The following MYO1D variants were observed in gnomAD, a reference collection of about 807,000 sequenced individuals.
MYO1D encodes the protein myosin ID.
A neutral mutation model predicts 122.0 loss-of-function variants in MYO1D; 83 were observed. The observed-to-expected ratio is 0.68, with a 90% CI of 0.57 to 0.82. The LOEUF is 0.82. Among genes scored for constraint, MYO1D ranks in the 40% least tolerant of loss-of-function variants. The pLI is 0.00. For missense variants in MYO1D, 1,157 were observed against 1,269.5 expected, an observed-to-expected ratio of 0.91 and a Z score of 1.35; for synonymous variants, 464 against 446.9, an observed-to-expected ratio of 1.04 and a Z score of -0.48.
chr17:32,759,027 A>G (rs1312372083), intron 10 of MYO1D, among the ~76,000 whole-genome samples: 2 of 152,178 alleles, frequency 1.3e-5, no homozygotes, highest in African/African-American at 4.8e-5. Flanking sequence ...TTGAATAACA[A>G]GTTTTATGAT....
In MYO1D at chr17:32,767,671, T is replaced by C; in HGVS notation, c.796A>G (p.Thr266Ala). ...VIGFKPEEIQTVYKILAAILH... is the reference protein window; with the variant it reads ...VIGFKPEEIQAVYKILAAILH... ...ATAGCAGCCAAAATCTTATACACTGTTTGGATCTCCTCAGGTTTGAAGCCA... is the reference window on the plus strand; with the variant it reads ...ATAGCAGCCAAAATCTTATACACTGCTTGGATCTCCTCAGGTTTGAAGCCA... The change falls in exon 7 of 22, where the codon ACA (threonine) becomes GCA (alanine). Residue 266 changes from threonine (T) to alanine (A), a missense_variant. Coordinates refer to ENST00000318217, the MANE Select transcript of MYO1D (RefSeq NM_015194.3). 6.2e-7 allele frequency: 1 copy of C among 1,613,626 alleles called. No homozygotes were observed. The highest frequency in any genetic ancestry group is 8.5e-7 in the Non-Finnish European group (1 of 1,179,676).
intron 11 of MYO1D, among the ~76,000 whole-genome samples, chr17:32,750,226 T>C (rs900641458): frequency 1.4e-4 from 21 of 152,198 alleles, no homozygotes; most frequent in African/African-American, 5.1e-4. Context: ...ATCTTCCTTG[T>C]TACAGTAGCA....
chr17:32,540,907 CAG>C (rs1470939065), intron 21 of MYO1D, among the ~76,000 whole-genome samples: 2 of 124,854 alleles, frequency 1.6e-5, no homozygotes, highest in Non-Finnish European at 3.1e-5. Context: ...GCCTGGGTGA[CAG>C]AGTGACTTCG....
At chr17:32,794,025 A>C in intron 1 of MYO1D, among the ~76,000 whole-genome samples, 1 of 152,250 alleles carries the variant, frequency 6.6e-6, no homozygotes, top group East Asian at 1.9e-4. Flanking sequence ...CCCATTGTTC[A>C]GCATGCGGCA....
chr17:32,623,377 T>A (rs757060858), intron 20 of MYO1D, among the ~76,000 whole-genome samples: 16 of 150,566 alleles, frequency 1.1e-4, no homozygotes, highest in Admixed American at 3.3e-4. Context: ...AACTCATTTA[T>A]TTAATGGCTA....
intron 21 of MYO1D, among the ~76,000 whole-genome samples, chr17:32,511,045 G>A (rs895600292): frequency 7.2e-5 from 11 of 152,032 alleles, no homozygotes; most frequent in African/African-American, 2.7e-4. Flanking sequence ...GTGAGCAGAG[G>A]GCTGGGGCCA....
intron 15 of MYO1D, among the ~76,000 whole-genome samples, chr17:32,712,793 T>A (rs555884163): frequency 6.6e-6 from 1 of 152,316 alleles, no homozygotes; most frequent in Non-Finnish European, 1.5e-5. Context: ...GGCCTCTCAT[T>A]AAGGCAGCTC....
intron 1 of MYO1D, among the ~76,000 whole-genome samples, chr17:32,814,121 A>G (rs1280640680): frequency 1.3e-5 from 2 of 152,180 alleles, no homozygotes; most frequent in Non-Finnish European, 2.9e-5. Context: ...CGAGGTGGGC[A>G]GATCATGAGG....
At chr17:32,853,115 A>G (rs1352644825) in intron 1 of MYO1D, among the ~76,000 whole-genome samples, 1 of 152,222 alleles carries the variant, frequency 6.6e-6, no homozygotes, top group Non-Finnish European at 1.5e-5. Flanking sequence ...TACTCTTTGT[A>G]AACAGCACCA....
chr17:32,579,310 C>T (rs913825459), intron 21 of MYO1D, among the ~76,000 whole-genome samples: 11 of 152,176 alleles, frequency 7.2e-5, no homozygotes, highest in African/African-American at 2.7e-4. Context: ...CTCAAGTGAT[C>T]CTCCTGCCTT....
At chr17:32,876,251 A>G (rs968757283) in intron 1 of MYO1D, among the ~76,000 whole-genome samples, 10 of 152,158 alleles carry the variant, frequency 6.6e-5, no homozygotes, top group Non-Finnish European at 1.3e-4. Flanking sequence ...ATCCTGAATG[A>G]CAGGATGGAA....
At chr17:32,507,749 C>T (rs1197445593) in intron 21 of MYO1D, among the ~76,000 whole-genome samples, 1 of 152,138 alleles carries the variant, frequency 6.6e-6, no homozygotes. Context: ...TAAATGAGGT[C>T]ATAGGAGCAG....
chr17:32,590,065 T>A (rs1422741940), intron 21 of MYO1D, among the ~76,000 whole-genome samples: 1 of 152,238 alleles, frequency 6.6e-6, no homozygotes, highest in Non-Finnish European at 1.5e-5. Context: ...GACATCTGTG[T>A]CTTCAGGCTT....
intron 1 of MYO1D, among the ~76,000 whole-genome samples, chr17:32,850,152 A>G (rs2090973780): frequency 6.6e-6 from 1 of 152,196 alleles, no homozygotes; most frequent in African/African-American, 2.4e-5. Flanking sequence ...CATTATTGTC[A>G]AGCAACTTTC....
At chr17:32,627,332 T>C (rs2087941576) in intron 20 of MYO1D, among the ~76,000 whole-genome samples, 1 of 152,186 alleles carries the variant, frequency 6.6e-6, no homozygotes, top group Non-Finnish European at 1.5e-5. Flanking sequence ...ACTGTATCCA[T>C]TGAGGTTACC....
intron 19 of MYO1D, among the ~76,000 whole-genome samples, chr17:32,649,400 C>G (rs185358971): frequency 6.0e-4 from 92 of 152,238 alleles, no homozygotes; most frequent in Middle Eastern, 6.8e-3. Flanking sequence ...TATTTTCTGT[C>G]TCTATGAATC....
chr17:32,509,408 T>C lies in MYO1D; in HGVS notation c.2865-14493A>G, dbSNP rs1909606922. 3.3e-5 allele frequency among the ~76,000 whole-genome samples: 5 copies of C among 152,080 alleles called. No homozygotes were observed. In the South Asian group the frequency reaches 1.0e-3, roughly 32 times the overall value. On this transcript the variant is annotated intron_variant, in intron 21 of 21. Coordinates refer to ENST00000318217, the MANE Select transcript of MYO1D (RefSeq NM_015194.3). The stretch of plus-strand genomic sequence containing the variant: ...AAAACATTTGGTAGGATGGAAAACA[T>C]TTGGACTGATGGGCTTTGGAAGCAC...
At chr17:32,845,347 A>G (rs922788272) in intron 1 of MYO1D, among the ~76,000 whole-genome samples, 4 of 152,226 alleles carry the variant, frequency 2.6e-5, no homozygotes, top group South Asian at 2.1e-4. Flanking sequence ...AATCAGCAGT[A>G]GAACAGGAGA....
chr17:32,734,407 AC>A (rs1324445007), intron 14 of MYO1D, among the ~76,000 whole-genome samples: 1 of 152,058 alleles, frequency 6.6e-6, no homozygotes, highest in Non-Finnish European at 1.5e-5. Context: ...CTTATTGATT[AC>A]TTTTTTGTTC....
Sources: allele counts gnomAD v4.1 joint callset (sites outside exome capture counted in the v4.1 genomes callset), GRCh38; gene constraint gnomAD v4.1.1; transcripts MANE v1.5; gene names NCBI Gene and HGNC (gene_info 2026-07-23, HGNC 2026-07-21).